Variants in YWHAH observed in about 807,000 individuals in gnomAD.
YWHAH encodes 14-3-3 protein eta.
YWHAH carries 6 observed loss-of-function variants against 22.9 expected under a neutral mutation model. The ratio of observed to expected loss-of-function variants is 0.26; its 90% CI spans 0.14 to 0.52. YWHAH has a LOEUF of 0.52. Among genes scored for constraint, YWHAH ranks in the 20% least tolerant of loss-of-function variants. The pLI, the probability that YWHAH is intolerant of heterozygous loss-of-function variation, is 0.97. For missense variants in YWHAH, 173 were observed against 308.6 expected (o/e 0.56, Z 3.29); for synonymous variants, 135 against 124.5 (o/e 1.08, Z -0.56).
At position 31,956,993 on chromosome 22, in the gene YWHAH, AG is replaced by A. The variant is rs2093850398; in HGVS notation, c.*203del. The stretch of plus-strand genomic sequence containing the variant: ...GGACTGATGGTTGCTTTGAGCCCAC[AG>A]GAGCTCCCTTTTTGAATTGTGTGGA... On this transcript the variant is annotated 3_prime_UTR_variant, in exon 2 of 2. Coordinates refer to ENST00000248975, the MANE Select transcript of YWHAH (RefSeq NM_003405.4). This position sits in a 1 kb window ranked among gnomAD's most constrained non-coding sequence, Gnocchi z 5.1. 3.1e-6 allele frequency: 2 copies of A among 636,940 alleles called. No individual in the cohort carries two copies. Among genetic ancestry groups the A allele is most frequent in the Non-Finnish European group, 5.1e-6 (2 of 388,474 alleles). The allele number at this position is 636,940 out of a possible 1,614,324, so 39.5% of individuals were successfully genotyped here. A position where few individuals can be genotyped will look rare whatever the true frequency, so the allele number is the denominator to read the frequency against.
At chr22:31,951,195 C>G (rs111453095) in intron 1 of YWHAH, among the ~76,000 whole-genome samples, 4 of 152,116 alleles carry the variant, frequency 2.6e-5, no homozygotes, top group Admixed American at 2.6e-4. Context: ...CACCTGGCCC[C>G]TCAAACCCTC....
At chr22:31,949,514 G>C (rs116964233) in intron 1 of YWHAH, among the ~76,000 whole-genome samples, 31 of 145,466 alleles carry the variant, frequency 2.1e-4, no homozygotes, top group South Asian at 6.5e-4. Context: ...TTTTTTTGGT[G>C]GGGGGGGGAG....
At position 31,956,822 on chromosome 22, in the gene YWHAH, C is replaced by A; in HGVS notation, c.*30C>A. On this transcript the variant is annotated 3_prime_UTR_variant, in exon 2 of 2. Transcript: ENST00000248975. This position sits in a 1 kb window ranked among gnomAD's most constrained non-coding sequence, Gnocchi z 5.1. ...CCTTCAGGTCCCCTGGCCCTTCCTT[C>A]ACCCACCACCCCCATCATCACCGAT... is the stretch of plus-strand genomic sequence containing the variant. The A allele has an allele frequency of 6.5e-7, 1 of 1,534,126 alleles. No individual in the cohort carries two copies.
chr22:31,947,562 TTC>T, intron 1 of YWHAH: 1 of 454,008 alleles, frequency 2.2e-6, no homozygotes, highest in Non-Finnish European at 4.6e-6. Context: ...TCTTCCCTGC[TTC>T]TCTCCATAAT....
rs2093830850 is a variant in YWHAH at position 31,944,808 on chromosome 22, C to A, written c.75C>A (p.Ser25=). The part of the protein sequence containing the change: ...EQAERYDDMA[S]AMKAVTELNE... ...CGGAGCGCTACGACGACATGGCCTCCGCTATGAAGGCGGTGAGCGCGCCGG... is the reference window on the plus strand; with the variant it reads ...CGGAGCGCTACGACGACATGGCCTCAGCTATGAAGGCGGTGAGCGCGCCGG... The change falls in exon 1 of 2, where the codon TCC becomes TCA. Residue 25 remains serine, a synonymous_variant. Transcript: ENST00000248975. 1.4e-6 allele frequency: 2 copies of A among 1,398,382 alleles called. No individual in the cohort carries two copies. The highest frequency in any genetic ancestry group is 1.5e-5 in the African/African-American group (1 of 66,670). The allele number at this position is 1,398,382 out of a possible 1,614,324, so 86.6% of individuals were successfully genotyped here.
chr22:31,947,566 C>T (rs751850168), intron 1 of YWHAH: 109 of 451,842 alleles, frequency 2.4e-4, no homozygotes, highest in Non-Finnish European at 3.0e-4. Context: ...CCCTGCTTCT[C>T]TCCATAATTT....
intron 1 of YWHAH, chr22:31,945,496 C>T (rs766476860): frequency 7.7e-7 from 1 of 1,304,106 alleles, no homozygotes; most frequent in Non-Finnish European, 1.0e-6. Context: ...AACGTGACTT[C>T]TAGGTGAGAC....
chr22:31,947,292 AACTT>A, intron 1 of YWHAH: 2 of 400,524 alleles, frequency 5.0e-6, no homozygotes, highest in East Asian at 1.4e-4. Context: ...GTAACCTTGA[AACTT>A]ACATCTTGGC....
At chr22:31,945,412 T>C in intron 1 of YWHAH, 1 of 1,298,174 alleles carries the variant, frequency 7.7e-7, no homozygotes, top group Non-Finnish European at 1.0e-6. Flanking sequence ...GGCGGGAGAG[T>C]GGGCGGAGGG....
At chr22:31,955,961 C>T (rs955296792) in intron 1 of YWHAH, among the ~76,000 whole-genome samples, 178 bp from the exon 2 acceptor site, 1 of 152,148 alleles carries the variant, frequency 6.6e-6, no homozygotes. Flanking sequence ...TATAGTCTTT[C>T]TTCACATAGG....
intron 1 of YWHAH, among the ~76,000 whole-genome samples, chr22:31,948,930 T>A (rs1017101804): frequency 4.6e-5 from 7 of 152,090 alleles, no homozygotes; most frequent in African/African-American, 1.4e-4. Flanking sequence ...CAGAAGAACT[T>A]CCACAGTCCG....
At chr22:31,947,978 G>A (rs2093837312) in intron 1 of YWHAH, among the ~76,000 whole-genome samples, 1 of 152,202 alleles carries the variant, frequency 6.6e-6, no homozygotes, top group Admixed American at 6.5e-5. Context: ...CTAGCATTGT[G>A]TTTTAACACT....
chr22:31,954,511 C>A (rs1251102741), intron 1 of YWHAH, among the ~76,000 whole-genome samples: 1 of 152,158 alleles, frequency 6.6e-6, no homozygotes, highest in African/African-American at 2.4e-5. Flanking sequence ...CTAGGGGGTG[C>A]TGAACCTAGT....
chr22:31,954,925 G>C (rs1051160988), intron 1 of YWHAH, among the ~76,000 whole-genome samples: 26 of 152,146 alleles, frequency 1.7e-4, no homozygotes, highest in African/African-American at 6.0e-4. Context: ...CTTTTGGCGG[G>C]GGATACAGTT....
intron 1 of YWHAH, among the ~76,000 whole-genome samples, chr22:31,954,838 A>G (rs2093847570): frequency 1.3e-5 from 2 of 152,198 alleles, no homozygotes; most frequent in Admixed American, 6.5e-5. Flanking sequence ...CTTCATCTTA[A>G]CTAATTACAT....
chr22:31,946,510 A>G (rs970499838), intron 1 of YWHAH, among the ~76,000 whole-genome samples: 1 of 151,500 alleles, frequency 6.6e-6, no homozygotes, highest in Non-Finnish European at 1.5e-5. Context: ...GTGGTTGCTC[A>G]CCCTCTAAGT....
chr22:31,955,785 C>T (rs1244825162), intron 1 of YWHAH, among the ~76,000 whole-genome samples: 6 of 152,182 alleles, frequency 3.9e-5, no homozygotes, highest in Admixed American at 2.6e-4. Flanking sequence ...TCGAGGTTTT[C>T]TTCTTCACCA....
chr22:31,955,607 T>G (rs2093848654), intron 1 of YWHAH, among the ~76,000 whole-genome samples: 1 of 152,046 alleles, frequency 6.6e-6, no homozygotes, highest in South Asian at 2.1e-4. Context: ...CACGCCCAGC[T>G]AATTTTTGTA....
At chr22:31,947,851 T>C (rs559492701) in intron 1 of YWHAH, among the ~76,000 whole-genome samples, 7 of 152,324 alleles carry the variant, frequency 4.6e-5, no homozygotes, top group African/African-American at 1.7e-4. Context: ...CAGATAGATT[T>C]CTGGTGGATA....
Sources: gnomAD v4.1 joint callset for allele counts (sites outside exome capture counted in the v4.1 genomes callset) on GRCh38, gnomAD v4.1.1 for gene constraint, Gnocchi (gnomAD v3.1) non-coding constraint, MANE v1.5 for transcripts, NCBI Gene and HGNC (gene_info 2026-07-23, HGNC 2026-07-21) for gene names.